Variants in LEF1 observed in about 807,000 individuals in gnomAD.
The protein encoded by LEF1 is lymphoid enhancer binding factor 1.
A neutral mutation model predicts 51.2 loss-of-function variants in LEF1; 14 were observed. That is an observed-to-expected ratio of 0.27 (90% CI 0.18 to 0.43). LEF1 has a LOEUF of 0.43. Ranked by LOEUF, LEF1 falls within the 20% of genes least tolerant of loss-of-function variation. The pLI is 1.00. For missense variants in LEF1, 386 were observed against 512.0 expected, an observed-to-expected ratio of 0.75 and a Z score of 2.37; for synonymous variants, 185 against 183.2, an observed-to-expected ratio of 1.01 and a Z score of -0.08.
chr4:108,161,994 T>C (rs774740052), intron 3 of LEF1, among the ~76,000 whole-genome samples: 5 of 152,336 alleles, frequency 3.3e-5, no homozygotes, highest in Admixed American at 6.5e-5. Context: ...GAGATATCTA[T>C]ATATTTGTAT....
At chr4:108,096,919 T>A (rs1259240266) in intron 3 of LEF1, among the ~76,000 whole-genome samples, 1 of 152,194 alleles carries the variant, frequency 6.6e-6, no homozygotes, top group Admixed American at 6.5e-5. Context: ...AAAATGGTTT[T>A]TATCCAAAGG....
At position 108,101,562 on chromosome 4, in the gene LEF1, G is replaced by C. The variant is rs113505246; in HGVS notation, c.415-12305C>G. Among the ~76,000 whole-genome samples the C allele has an allele frequency of 3.6e-3, 549 of 152,328 alleles. 1 individual carries two copies. The highest frequency in any genetic ancestry group is 6.2e-3 in the Non-Finnish European group (420 of 68,038). The stretch of plus-strand genomic sequence containing the variant: ...TCAAGACAGTCTACTCTTGCATGTA[G>C]CAAGAATGGTAAACAGAAGTGAGAG... On this transcript the variant is annotated intron_variant, in intron 3 of 11. Transcript: ENST00000265165.
intron 3 of LEF1, among the ~76,000 whole-genome samples, chr4:108,134,554 A>G (rs1248967509): frequency 6.6e-6 from 1 of 152,246 alleles, no homozygotes; most frequent in African/African-American, 2.4e-5. Flanking sequence ...GATGGGCCAC[A>G]CAGAGTTATT....
At chr4:108,132,254 A>G (rs930115018) in intron 3 of LEF1, among the ~76,000 whole-genome samples, 1 of 152,212 alleles carries the variant, frequency 6.6e-6, no homozygotes, top group Non-Finnish European at 1.5e-5. Flanking sequence ...CAGCCAATGA[A>G]GAGGTTTTAC....
rs753999750 is a variant in LEF1 at position 108,070,705 on chromosome 4, T to C, written c.1074A>G (p.Leu358=). The C allele has an allele frequency of 1.2e-6, 2 of 1,614,014 alleles. No homozygotes were observed. The highest frequency in any genetic ancestry group is 1.1e-5 in the South Asian group (1 of 91,072). ...YYELARKERQ[L]HMQLYPGWSA... is the part of the protein sequence containing the mutation. ...ACCAGCCTGGATAAAGCTGCATATG[T>C]AGCTGTCTTTCTTTCCGTGCTAATT... The change falls in exon 9 of 12, where the codon CTA becomes CTG. Residue 358 remains leucine (L), a synonymous_variant. Coordinates refer to ENST00000265165, the MANE Select transcript of LEF1 (RefSeq NM_016269.5).
At position 108,116,074 on chromosome 4, in the gene LEF1, C is replaced by T. The variant is rs544444514; in HGVS notation, c.415-26817G>A. ...AAGCTATAGGCTCACTGCTGTGCTC[C>T]CGCCCAGGCAAGATTTTGACTCTGA... On this transcript the variant is annotated intron_variant, in intron 3 of 11. Transcript: ENST00000265165. 5.3e-5 allele frequency among the ~76,000 whole-genome samples: 8 copies of T among 152,248 alleles called. No individual in the cohort carries two copies. In the South Asian group the frequency reaches 1.2e-3, roughly 24 times the overall value.
rs1159928520 is a variant in LEF1 at position 108,079,402 on chromosome 4, G to A, written c.845+90C>T. On this transcript the variant is annotated intron_variant, in intron 7 of 11. Transcript: ENST00000265165. ...GCATTGAGTTTCACAGCAACACAAA[G>A]GGGTGAAGGATCACTGTTGCAAAGG... 7.8e-6 allele frequency: 11 copies of A among 1,418,340 alleles called. No individual in the cohort carries two copies. In the East Asian group the frequency reaches 2.5e-4, roughly 33 times the overall value. 87.9% of individuals were successfully genotyped at this position (1,418,340 alleles called of 1,614,324 possible). A position where few individuals can be genotyped will look rare whatever the true frequency, so the allele number is the denominator to read the frequency against.
chr4:108,083,726 C>T (rs1739464306), intron 4 of LEF1, among the ~76,000 whole-genome samples: 1 of 152,004 alleles, frequency 6.6e-6, no homozygotes, highest in South Asian at 2.1e-4. Flanking sequence ...TTTGTTTTGC[C>T]CTCAATATTT....
intron 3 of LEF1, among the ~76,000 whole-genome samples, chr4:108,156,649 C>A (rs1023676343): frequency 6.6e-6 from 1 of 152,098 alleles, no homozygotes. Flanking sequence ...TGATAGTCCC[C>A]CAGTTACTTT....
chr4:108,053,613 G>A (rs1327899597), intron 11 of LEF1, among the ~76,000 whole-genome samples: 2 of 152,170 alleles, frequency 1.3e-5, no homozygotes, highest in Admixed American at 6.5e-5. Context: ...GACCGTTAAT[G>A]AATTACTCCA....
At chr4:108,099,568 GTGTATATA>G (rs1420085943) in intron 3 of LEF1, among the ~76,000 whole-genome samples, 2 of 48,176 alleles carry the variant, frequency 4.2e-5, no homozygotes, top group Admixed American at 2.3e-4. Context: ...GTGTGTGTGT[GTGTATATA>G]TATATATATA....
rs936139448 is a variant in LEF1 at position 108,107,780 on chromosome 4, C to T, written c.415-18523G>A. 2.6e-5 allele frequency among the ~76,000 whole-genome samples: 4 copies of T among 152,104 alleles called. No individual in the cohort carries two copies. In the South Asian group the frequency reaches 6.2e-4, roughly 24 times the overall value. ...TAACAGTCCAATTTCACTCTTCACC[C>T]CCGCCCCCCAACATGCTGCTTCTCA... is the stretch of plus-strand genomic sequence containing the variant. On this transcript the variant is annotated intron_variant, in intron 3 of 11. Transcript: ENST00000265165.
At position 108,157,179 on chromosome 4, in the gene LEF1, T is replaced by TATACACACAC. The variant is rs780217431; in HGVS notation, c.414+6388_414+6389insGTGTGTGTAT. On this transcript the variant is annotated intron_variant, in intron 3 of 11. Coordinates refer to ENST00000265165, the MANE Select transcript of LEF1 (RefSeq NM_016269.5). ...CTCTCTCTCTCTCTCTATATATATA[T>TATACACACAC]ACACACACACACACACACACACACA... is the stretch of plus-strand genomic sequence containing the variant. Among the ~76,000 whole-genome samples the TATACACACAC allele has an allele frequency of 6.5e-3, 754 of 116,750 alleles. 9 individuals carry two copies. Among genetic ancestry groups the TATACACACAC allele is most frequent in the East Asian group, 0.035 (128 of 3,682 alleles). 76.6% of individuals were successfully genotyped at this position (116,750 alleles called of 152,430 possible). A position where few individuals can be genotyped will look rare whatever the true frequency, so the allele number is the denominator to read the frequency against.
At chr4:108,097,189 A>G (rs530209629) in intron 3 of LEF1, among the ~76,000 whole-genome samples, 3 of 152,242 alleles carry the variant, frequency 2.0e-5, no homozygotes, top group Non-Finnish European at 4.4e-5. Flanking sequence ...AATCAACCTC[A>G]GTGTCCATTA....
At chr4:108,099,530 A>ATGTGTG (rs1318833655) in intron 3 of LEF1, among the ~76,000 whole-genome samples, 25 of 123,706 alleles carry the variant, frequency 2.0e-4, no homozygotes, top group South Asian at 8.5e-4. Context: ...ATATATATAT[A>ATGTGTG]TATATGTGTA....
chr4:108,077,052 A>T, intron 8 of LEF1, among the ~76,000 whole-genome samples: 1 of 150,360 alleles, frequency 6.7e-6, no homozygotes, highest in East Asian at 2.0e-4. Context: ...AAAGAATGAT[A>T]ACAGGGCCAG....
chr4:108,145,642 G>A (rs1743952689), intron 3 of LEF1, among the ~76,000 whole-genome samples: 1 of 152,176 alleles, frequency 6.6e-6, no homozygotes, highest in African/African-American at 2.4e-5. Flanking sequence ...ATGGAAGCCA[G>A]AGTGGAAAAG....
chr4:108,125,168 A>T (rs978556356), intron 3 of LEF1, among the ~76,000 whole-genome samples: 2 of 151,602 alleles, frequency 1.3e-5, no homozygotes, highest in Non-Finnish European at 1.5e-5. Context: ...ATTTATTTTT[A>T]TTTATTTATT....
At chr4:108,108,359 A>G (rs568779688) in intron 3 of LEF1, among the ~76,000 whole-genome samples, 2 of 152,202 alleles carry the variant, frequency 1.3e-5, no homozygotes, top group South Asian at 4.2e-4. Context: ...CCTCTTTCTT[A>G]CTTTCAGCTT....
Sources: allele counts gnomAD v4.1 joint callset (sites outside exome capture counted in the v4.1 genomes callset), GRCh38; gene constraint gnomAD v4.1.1; transcripts MANE v1.5; gene names NCBI Gene and HGNC (gene_info 2026-07-23, HGNC 2026-07-21).